Variants in DPP10 observed in about 807,000 individuals in gnomAD.
DPP10 encodes the protein dipeptidyl peptidase like 10, also known as inactive dipeptidyl peptidase 10.
DPP10 carries 33 observed loss-of-function variants against 120.9 expected under a neutral mutation model. That is an observed-to-expected ratio of 0.27 (90% confidence interval 0.21 to 0.37). The LOEUF (loss-of-function observed/expected upper bound fraction) is 0.37, where lower values mean the gene tolerates loss of function less well. DPP10 is among the 10% of genes least tolerant of loss of function. The pLI is 1.00. For missense variants in DPP10, 816 were observed against 942.8 expected (o/e 0.87, Z 1.76); for synonymous variants, 337 against 326.1 (o/e 1.03, Z -0.36).
Position 115,791,327 on chromosome 2 carries a change from C to A in DPP10, c.1671C>A (p.Asp557Glu). The A allele has an allele frequency of 6.2e-7, 1 of 1,611,312 alleles. No individual in the cohort carries two copies. Among genetic ancestry groups the A allele is most frequent in the African/African-American group, 1.3e-5 (1 of 74,826 alleles). The part of the protein sequence containing the change: ...LQLSLPKDFM[D>E]RNQYALLLIM... ...TGTCCCTTCCCAAAGATTTTATGGA[C>A]CGAAACCAGTATGCTCTTCTGTTAA... The change falls in exon 19 of 26, where the codon GAC becomes GAA. Residue 557 changes from aspartate to glutamate, a missense_variant. By Grantham distance (45) the Asp-to-Glu change is conservative. Transcript: ENST00000410059.
At chr2:114,823,574 T>G (rs991940203) in intron 1 of DPP10, among the ~76,000 whole-genome samples, 3 of 152,092 alleles carry the variant, frequency 2.0e-5, no homozygotes, top group African/African-American at 7.2e-5. Flanking sequence ...CAAAGGAGAT[T>G]AGAGCTGCGG....
At chr2:115,726,178 T>G (rs1394429206) in intron 7 of DPP10, among the ~76,000 whole-genome samples, 1 of 152,218 alleles carries the variant, frequency 6.6e-6, no homozygotes, top group Non-Finnish European at 1.5e-5. Flanking sequence ...TTGCTGCTAC[T>G]GTTCTGCTCC....
intron 2 of DPP10, among the ~76,000 whole-genome samples, chr2:115,312,394 A>G (rs550340177): frequency 1.3e-5 from 2 of 152,142 alleles, no homozygotes; most frequent in Non-Finnish European, 2.9e-5. Flanking sequence ...CAACCCAAAC[A>G]TGTCAGAGTA....
At chr2:115,471,195 G>A (rs1254375728) in intron 3 of DPP10, among the ~76,000 whole-genome samples, 2 of 152,120 alleles carry the variant, frequency 1.3e-5, no homozygotes, top group Non-Finnish European at 2.9e-5. Flanking sequence ...TGGCTTAATA[G>A]GTTCAATTCA....
At chr2:114,460,187 AT>A (rs1558776806) in intron 1 of DPP10, among the ~76,000 whole-genome samples, 38 of 151,242 alleles carry the variant, frequency 2.5e-4, no homozygotes, top group African/African-American at 8.7e-4. Context: ...CTATCTATCT[AT>A]CTATCTATCT....
chr2:115,664,864 A>G (rs947782636), intron 5 of DPP10, among the ~76,000 whole-genome samples: 10 of 130,792 alleles, frequency 7.6e-5, no homozygotes, highest in Non-Finnish European at 1.9e-4. Flanking sequence ...ACACATCGCC[A>G]CTAGTCACAT....
chr2:115,596,448 T>G (rs1054695395), intron 5 of DPP10, among the ~76,000 whole-genome samples: 1 of 152,158 alleles, frequency 6.6e-6, no homozygotes, highest in African/African-American at 2.4e-5. Flanking sequence ...ATTTTAGTAA[T>G]GAAACATCAT....
At chr2:115,248,526 C>T (rs181278301) in intron 1 of DPP10, among the ~76,000 whole-genome samples, 7 of 152,140 alleles carry the variant, frequency 4.6e-5, no homozygotes, top group Admixed American at 3.9e-4. Flanking sequence ...TAACCTGCTG[C>T]TACGTTAGTT....
chr2:114,738,735 C>T (rs979702762), intron 1 of DPP10, among the ~76,000 whole-genome samples: 2 of 152,148 alleles, frequency 1.3e-5, no homozygotes, highest in Admixed American at 6.5e-5. Flanking sequence ...AGTAACTTCC[C>T]ACTGACCTGT....
At chr2:114,988,402 AAGG>A (rs1385278740) in intron 1 of DPP10, among the ~76,000 whole-genome samples, 2 of 151,906 alleles carry the variant, frequency 1.3e-5, no homozygotes, top group African/African-American at 4.9e-5. Context: ...CATATGTGAG[AAGG>A]AGGAGATGGC....
chr2:114,586,635 G>A (rs922226952), intron 1 of DPP10, among the ~76,000 whole-genome samples: 8 of 152,192 alleles, frequency 5.3e-5, no homozygotes, highest in Non-Finnish European at 1.2e-4. Flanking sequence ...TTTGTATACG[G>A]TTTGTTTGGC....
chr2:115,741,129 C>CA (rs572027048), intron 9 of DPP10, among the ~76,000 whole-genome samples: 1 of 151,360 alleles, frequency 6.6e-6, no homozygotes, highest in Non-Finnish European at 1.5e-5. Context: ...TATCCAAAGG[C>CA]AAAAAAAGGA....
At chr2:114,920,242 G>A (rs1054040387) in intron 1 of DPP10, among the ~76,000 whole-genome samples, 3 of 152,128 alleles carry the variant, frequency 2.0e-5, no homozygotes, top group African/African-American at 7.2e-5. Context: ...TCATATCTCA[G>A]CCTCCAGTCA....
chr2:115,791,482 C>A, intron 19 of DPP10, 126 bp downstream of exon 19: 1 of 814,296 alleles, frequency 1.2e-6, no homozygotes, highest in East Asian at 2.9e-5. Flanking sequence ...GGACAGCTGT[C>A]TGTTGTCTAA....
At chr2:114,906,111 G>A (rs1396018684) in intron 1 of DPP10, among the ~76,000 whole-genome samples, 2 of 152,068 alleles carry the variant, frequency 1.3e-5, no homozygotes, top group African/African-American at 2.4e-5. Flanking sequence ...GGGCACGGGG[G>A]CTCACACCTG....
intron 5 of DPP10, among the ~76,000 whole-genome samples, chr2:115,646,512 A>G (rs983888089): frequency 6.6e-6 from 1 of 152,216 alleles, no homozygotes; most frequent in African/African-American, 2.4e-5. Flanking sequence ...ATGTCTGTAC[A>G]TTGGCTGTGA....
chr2:115,836,321 T>C (rs569540520), intron 22 of DPP10, 65 bp downstream of exon 22: 1 of 1,469,146 alleles, frequency 6.8e-7, no homozygotes, highest in East Asian at 2.3e-5. Flanking sequence ...AAGCCCAATT[T>C]AGAATAGCTC....
chr2:114,497,280 C>T lies in DPP10; in HGVS notation c.60+54442C>T, dbSNP rs373056510. Among the ~76,000 whole-genome samples the T allele has an allele frequency of 6.1e-4, 31 of 50,470 alleles. 1 individual carries two copies. The highest frequency in any genetic ancestry group is 1.3e-3 in the Non-Finnish European group (27 of 20,846). 33.1% of individuals were successfully genotyped at this position (50,470 alleles called of 152,430 possible). On this transcript the variant is annotated intron_variant, in intron 1 of 25. Coordinates refer to ENST00000410059, the MANE Select transcript of DPP10 (RefSeq NM_020868.6). The stretch of plus-strand genomic sequence containing the variant: ...ACGTGTGTATACATGTACATGTATA[C>T]GTGTATACATGTACATGTATACGTG...
In DPP10 at chr2:114,593,143, C is replaced by T. The variant is rs193093730; in HGVS notation, c.60+150305C>T. Among the ~76,000 whole-genome samples the T allele has an allele frequency of 2.2e-4, 34 of 152,000 alleles. No individual in the cohort carries two copies. In the East Asian group the frequency reaches 3.7e-3, roughly 16 times the overall value. ...CCCCAAACCACTGGAGGCAGCCTAC[C>T]GCAAAATCAAATAAGTTTAAAAGGA... On this transcript the variant is annotated intron_variant, in intron 1 of 25. Coordinates refer to ENST00000410059, the MANE Select transcript of DPP10 (RefSeq NM_020868.6).
Sources: allele counts gnomAD v4.1 joint callset (sites outside exome capture counted in the v4.1 genomes callset), GRCh38; gene constraint gnomAD v4.1.1; transcripts MANE v1.5; gene names NCBI Gene and HGNC (gene_info 2026-07-23, HGNC 2026-07-21).